Variants in SIPA1L3 observed in about 807,000 individuals in gnomAD.
The protein encoded by SIPA1L3 is signal induced proliferation associated 1 like 3, also known as signal-induced proliferation-associated 1-like protein 3.
SIPA1L3 carries 59 observed loss-of-function variants against 150.1 expected under a neutral mutation model. The ratio of observed to expected loss-of-function variants is 0.39; its 90% CI spans 0.32 to 0.49. SIPA1L3 has a LOEUF of 0.49. Ranked by LOEUF, SIPA1L3 falls within the 20% of genes least tolerant of loss-of-function variation. The pLI is 0.86. For missense variants in SIPA1L3, 2,211 were observed against 2,489.5 expected, an observed-to-expected ratio of 0.89 and a Z score of 2.38; for synonymous variants, 1,070 against 1,077.6, an observed-to-expected ratio of 0.99 and a Z score of 0.14.
rs199507744 is a variant in SIPA1L3 at position 38,201,920 on chromosome 19, G to A, written c.5043G>A (p.Pro1681=). The change falls in exon 20 of 22, where the codon CCG becomes CCA. Residue 1681 remains proline (P), a synonymous_variant. Transcript: ENST00000222345. ...LNDPALSPDI[P]PAHSPVHSHL... Reference sequence around the variant, plus strand: ...ACCCGGCCCTGAGCCCGGACATCCCGCCTGCACACAGTCCTGTCCACAGCC... The same window carrying A: ...ACCCGGCCCTGAGCCCGGACATCCCACCTGCACACAGTCCTGTCCACAGCC... 46 of 1,613,886 alleles carry A rather than the reference G, an allele frequency of 2.9e-5. No homozygotes were observed. In the Middle Eastern group the frequency reaches 5.0e-4, roughly 17 times the overall value.
Position 38,082,497 on chromosome 19 carries a change from A to G in SIPA1L3, c.932A>G (p.Glu311Gly). The change falls in exon 3 of 22, where the codon GAG (glutamate) becomes GGG (glycine). Residue 311 changes from glutamate (E) to glycine (G), a missense_variant. Around this residue, in one of 5 missense-constraint regions of SIPA1L3, gnomAD observed 587 missense variants for 534.5 expected, o/e 1.10. Transcript: ENST00000222345. Reference protein sequence around the residue: ...IFRKLRSSKPEGEAGRSPGEA... With the variant: ...IFRKLRSSKPGGEAGRSPGEA... Reference sequence around the variant, plus strand: ...CGGAAGCTAAGGAGCAGCAAACCCGAGGGGGAGGCTGGGCGTTCCCCGGGG... The same window carrying G: ...CGGAAGCTAAGGAGCAGCAAACCCGGGGGGGAGGCTGGGCGTTCCCCGGGG... 1 of 1,595,222 alleles carries G rather than the reference A, an allele frequency of 6.3e-7. No individual in the cohort carries two copies. The highest frequency in any genetic ancestry group is 2.2e-5 in the East Asian group (1 of 44,474).
rs57796150 is a variant in SIPA1L3 at position 38,188,920 on chromosome 19, CAA to C, written c.4431-3211_4431-3210del. On this transcript the variant is annotated intron_variant, in intron 16 of 21. Transcript: ENST00000222345. ...CCTGGGAGACAGCGAGACTCCGTCT[CAA>C]AAAAAAAAAAAAAGTAAGCCTCTCT... 1.1e-3 allele frequency among the ~76,000 whole-genome samples: 138 copies of C among 128,268 alleles called. 1 individual carries two copies. The highest frequency in any genetic ancestry group is 3.3e-3 in the African/African-American group (118 of 35,840). 84.1% of individuals were successfully genotyped at this position (128,268 alleles called of 152,430 possible). A position where few individuals can be genotyped will look rare whatever the true frequency, so the allele number is the denominator to read the frequency against.
chr19:38,163,512 CA>C lies in SIPA1L3; in HGVS notation c.3781-966del, dbSNP rs1337767377. ...CTCAAAAAAAAAAAAAAAAAAAAAA[CA>C]GTCCAGGGGAGAGAGTGACAAGCAC... is the stretch of plus-strand genomic sequence containing the variant. On this transcript the variant is annotated intron_variant, in intron 14 of 21. Coordinates refer to ENST00000222345, the MANE Select transcript of SIPA1L3 (RefSeq NM_015073.3). Among the ~76,000 whole-genome samples the C allele has an allele frequency of 6.5e-5, 7 of 108,264 alleles. No individual in the cohort carries two copies. In the East Asian group the frequency reaches 9.4e-4, roughly 15 times the overall value. The allele number at this position is 108,264 out of a possible 152,430, so 71.0% of individuals were successfully genotyped here. A position where few individuals can be genotyped will look rare whatever the true frequency, so the allele number is the denominator to read the frequency against.
In SIPA1L3 at chr19:38,106,686, C is replaced by T. The variant is rs1654370; in HGVS notation, c.2133+46C>T. 0.013 allele frequency: 17,515 copies of T among 1,315,380 alleles called. 1,543 individuals are homozygous for T. In the African/African-American group the frequency reaches 0.2, roughly 15 times the overall value. The allele number at this position is 1,315,380 out of a possible 1,614,324, so 81.5% of individuals were successfully genotyped here. A position where few individuals can be genotyped will look rare whatever the true frequency, so the allele number is the denominator to read the frequency against. On this transcript the variant is annotated intron_variant, in intron 7 of 21. Transcript: ENST00000222345. ...GCACGGCTGCCGGATGTTGGCTGCC[C>T]ACCCACCAGCATTGGCCCTCCCAGT...
chr19:38,013,405 GA>G (rs1021144947), intron 1 of SIPA1L3, among the ~76,000 whole-genome samples: 14 of 148,480 alleles, frequency 9.4e-5, no homozygotes, highest in African/African-American at 9.9e-5. Flanking sequence ...AGCATGGGCT[GA>G]AAAAAAAAAG....
chr19:38,070,104 G>A (rs1258017252), intron 2 of SIPA1L3, among the ~76,000 whole-genome samples: 2 of 152,074 alleles, frequency 1.3e-5, no homozygotes, highest in Non-Finnish European at 2.9e-5. Flanking sequence ...ATCCACGGCA[G>A]GTACCCTCTC....
intron 9 of SIPA1L3, among the ~76,000 whole-genome samples, chr19:38,127,880 G>A (rs1445754169): frequency 6.6e-6 from 1 of 151,906 alleles, no homozygotes; most frequent in African/African-American, 2.4e-5. Flanking sequence ...AGCTTAGGTG[G>A]GGTAGCTTAT....
chr19:37,933,918 T>A (rs4803573), intron 1 of SIPA1L3, among the ~76,000 whole-genome samples: 57,738 of 151,850 alleles, frequency 0.38, 13,771 homozygotes, highest in East Asian at 0.71. Flanking sequence ...TATACACACA[T>A]CTCATATGTA....
chr19:38,110,128 G>A (rs1349125311), intron 7 of SIPA1L3, 99 bp from the exon 8 acceptor site: 8 of 1,144,266 alleles, frequency 7.0e-6, no homozygotes, highest in Non-Finnish European at 8.9e-6. Flanking sequence ...CAGGGAGTGG[G>A]AATGGGGGTG....
chr19:38,187,382 G>A (rs1467047449), intron 16 of SIPA1L3, among the ~76,000 whole-genome samples: 2 of 151,814 alleles, frequency 1.3e-5, no homozygotes, highest in Non-Finnish European at 2.9e-5. Flanking sequence ...AACCTGGGAG[G>A]CAGAGGTTGC....
At chr19:38,019,728 TG>T (rs1413564556) in intron 1 of SIPA1L3, among the ~76,000 whole-genome samples, 1 of 151,942 alleles carries the variant, frequency 6.6e-6, no homozygotes, top group Non-Finnish European at 1.5e-5. Context: ...GACCAGAGGG[TG>T]GGATTTTGAG....
chr19:38,088,959 A>C (rs967246314), intron 4 of SIPA1L3, 108 bp downstream of exon 4: 118 of 1,252,952 alleles, frequency 9.4e-5, no homozygotes, highest in Non-Finnish European at 1.1e-4. Flanking sequence ...GAATCCTCCC[A>C]ACAACCCCGG....
intron 2 of SIPA1L3, among the ~76,000 whole-genome samples, chr19:38,048,752 G>A (rs191326499): frequency 6.6e-4 from 101 of 152,244 alleles, no homozygotes; most frequent in South Asian, 4.8e-3. Flanking sequence ...AGTGACTTGC[G>A]TCCAATTTCT....
chr19:37,926,378 G>A (rs1362745406), intron 1 of SIPA1L3, among the ~76,000 whole-genome samples: 5 of 152,188 alleles, frequency 3.3e-5, no homozygotes, highest in African/African-American at 7.2e-5. Context: ...TCTGATGTTC[G>A]TCACTTTGGC....
chr19:38,182,187 T>A (rs1207463970), intron 15 of SIPA1L3, among the ~76,000 whole-genome samples: 1 of 148,500 alleles, frequency 6.7e-6, no homozygotes, highest in Non-Finnish European at 1.5e-5. Context: ...CTGTAAGCCA[T>A]AGTTCCCTGT....
intron 2 of SIPA1L3, among the ~76,000 whole-genome samples, chr19:38,067,894 C>T (rs1164394187): frequency 6.6e-6 from 1 of 152,320 alleles, no homozygotes; most frequent in African/African-American, 2.4e-5. Context: ...GAGTCTCTGC[C>T]ATGGCACTAG....
chr19:37,970,876 A>G (rs1966916053), intron 1 of SIPA1L3, among the ~76,000 whole-genome samples: 1 of 152,210 alleles, frequency 6.6e-6, no homozygotes, highest in Non-Finnish European at 1.5e-5. Flanking sequence ...CCTGTGAAAC[A>G]GTTTGAGAGT....
intron 1 of SIPA1L3, among the ~76,000 whole-genome samples, chr19:37,927,027 T>A (rs1651960488): frequency 6.6e-6 from 1 of 151,940 alleles, no homozygotes; most frequent in Non-Finnish European, 1.5e-5. Context: ...TTTTTTTAGA[T>A]TCAGAGGGTA....
At chr19:38,137,597 G>A (rs1476109019) in intron 10 of SIPA1L3, among the ~76,000 whole-genome samples, 2 of 151,706 alleles carry the variant, frequency 1.3e-5, no homozygotes, top group African/African-American at 4.8e-5. Context: ...ACTGCACCCA[G>A]CCCATGCTGC....
Sources: allele counts gnomAD v4.1 joint callset (sites outside exome capture counted in the v4.1 genomes callset), GRCh38; gene constraint gnomAD v4.1.1; regional missense constraint gnomAD v4.1.1; transcripts MANE v1.5; gene names NCBI Gene and HGNC (gene_info 2026-07-23, HGNC 2026-07-21).